GLCCI1: variants seen among roughly 807,000 people sequenced by gnomAD.
GLCCI1 encodes the protein glucocorticoid induced 1.
GLCCI1 carries 24 observed loss-of-function variants against 52.2 expected under a neutral mutation model. That is an observed-to-expected ratio of 0.46 (90% CI 0.33 to 0.65). The LOEUF (loss-of-function observed/expected upper bound fraction) is 0.65, where lower values mean the gene tolerates loss of function less well. Among genes scored for constraint, GLCCI1 ranks in the 30% least tolerant of loss-of-function variants. The probability of loss-of-function intolerance (pLI) is 0.02; values close to 1 mark genes in which losing one functional copy is unlikely to be tolerated. For missense variants in GLCCI1, 704 were observed against 701.5 expected (o/e 1.00, Z -0.04); for synonymous variants, 310 against 276.5 (o/e 1.12, Z -1.20).
In GLCCI1 at chr7:8,088,464, G is replaced by A. The variant is rs974676852; in HGVS notation, c.*1926G>A. ...GGAACCTTTTAAAACAATCTTTTCA[G>A]CAGCAGATACCTTTAACCCTAATAA... On this transcript the variant is annotated 3_prime_UTR_variant, in exon 8 of 8. Coordinates refer to ENST00000223145, the MANE Select transcript of GLCCI1 (RefSeq NM_138426.4). 6.6e-6 allele frequency: 1 copy of A among 152,516 alleles called. No homozygotes were observed. Among genetic ancestry groups the A allele is most frequent in the East Asian group, 1.9e-4 (1 of 5,198 alleles). 9.4% of individuals were successfully genotyped at this position (152,516 alleles called of 1,614,324 possible). A position where few individuals can be genotyped will look rare whatever the true frequency, so the allele number is the denominator to read the frequency against.
chr7:7,978,752 T>C (rs1780549993), intron 1 of GLCCI1, among the ~76,000 whole-genome samples: 1 of 152,168 alleles, frequency 6.6e-6, no homozygotes, highest in South Asian at 2.1e-4. Context: ...TAGTGAAGTG[T>C]AATGCTGGTA....
chr7:8,049,866 G>A (rs1218965052), intron 3 of GLCCI1, among the ~76,000 whole-genome samples: 1 of 152,192 alleles, frequency 6.6e-6, no homozygotes, highest in Non-Finnish European at 1.5e-5. Flanking sequence ...CATTGGGAAG[G>A]TACTTTGTTT....
intron 3 of GLCCI1, among the ~76,000 whole-genome samples, chr7:8,025,688 A>G (rs1016276114): frequency 2.6e-5 from 4 of 152,208 alleles, no homozygotes; most frequent in African/African-American, 9.7e-5. Context: ...CAACTAGGAA[A>G]ACACAAAGAG....
Position 8,084,927 on chromosome 7 carries a change from A to G in GLCCI1, c.1208A>G (p.Tyr403Cys), listed in dbSNP as rs1369624568. ...GGGAGTAGCTCACCGTTACCCAAGTATGCTTCATCTCCCAAACCAAACAAC... is the reference window on the plus strand; with the variant it reads ...GGGAGTAGCTCACCGTTACCCAAGTGTGCTTCATCTCCCAAACCAAACAAC... ...DSGSSSPLPK[Y>C]ASSPKPNNSY... Residue 403 changes from tyrosine (Y) to cysteine (C), a missense_variant, in exon 7 of 8, where the codon TAT becomes TGT. Tyr to Cys is a radical substitution (Grantham distance 194). This residue lies in a region of GLCCI1 where 547 missense variants were observed against 524.8 expected (regional missense o/e 1.04). Coordinates refer to ENST00000223145, the MANE Select transcript of GLCCI1 (RefSeq NM_138426.4). 1 of 1,614,140 alleles carries G rather than the reference A, an allele frequency of 6.2e-7. No individual in the cohort carries two copies. The highest frequency in any genetic ancestry group is 1.3e-5 in the African/African-American group (1 of 75,058).
At chr7:7,978,057 A>G (rs1780532196) in intron 1 of GLCCI1, among the ~76,000 whole-genome samples, 1 of 152,210 alleles carries the variant, frequency 6.6e-6, no homozygotes, top group African/African-American at 2.4e-5. Flanking sequence ...ATGGGACTAG[A>G]CGCTAGGGTG....
At chr7:8,082,106 C>T (rs1037610170) in intron 6 of GLCCI1, among the ~76,000 whole-genome samples, 2 of 152,120 alleles carry the variant, frequency 1.3e-5, no homozygotes, top group Admixed American at 6.5e-5. Context: ...CTTGAATCTC[C>T]TGAGCAGGCA....
intron 1 of GLCCI1, among the ~76,000 whole-genome samples, chr7:7,992,774 T>C (rs1280940992): frequency 6.6e-6 from 1 of 152,118 alleles, no homozygotes; most frequent in African/African-American, 2.4e-5. Flanking sequence ...ATTTTTTTAA[T>C]TCTGTAGTTT....
chr7:7,980,302 G>A (rs1780585791), intron 1 of GLCCI1: 1 of 162,396 alleles, frequency 6.2e-6, no homozygotes, highest in Non-Finnish European at 1.3e-5. Context: ...TAGCTGAGGA[G>A]AAGTGGGTGC....
At chr7:8,014,369 C>T (rs1363907098) in intron 2 of GLCCI1, among the ~76,000 whole-genome samples, 1 of 152,140 alleles carries the variant, frequency 6.6e-6, no homozygotes, top group Non-Finnish European at 1.5e-5. Context: ...CTGACATTTG[C>T]TGTGAAGCAT....
chr7:8,042,979 G>T (rs1782036045), intron 3 of GLCCI1, among the ~76,000 whole-genome samples: 1 of 152,188 alleles, frequency 6.6e-6, no homozygotes, highest in Non-Finnish European at 1.5e-5. Flanking sequence ...GTTATTTTAA[G>T]AAATTACCAC....
Position 7,969,222 on chromosome 7 carries a change from CACAGCGATA to C in GLCCI1, c.-128_-120del. ...AGGGGGAGCCCCGAGACTCCTCCCC[CACAGCGATA>C]CCCCCGCCCCTCCCCCTTACACACT... On this transcript the variant is annotated 5_prime_UTR_variant, in exon 1 of 8. Transcript: ENST00000223145. The surrounding 1 kb of genome is among the most constrained non-coding windows in gnomAD (Gnocchi z 4.9). 33 of 810,276 alleles carry C rather than the reference CACAGCGATA, an allele frequency of 4.1e-5. No homozygotes were observed. Among genetic ancestry groups the C allele is most frequent in the Non-Finnish European group, 5.1e-5 (32 of 627,324 alleles). 50.2% of individuals were successfully genotyped at this position (810,276 alleles called of 1,614,324 possible).
Position 7,983,698 on chromosome 7 carries a change from A to G in GLCCI1, c.457+13891A>G, listed in dbSNP as rs542298598. Among the ~76,000 whole-genome samples the G allele has an allele frequency of 7.2e-5, 11 of 152,358 alleles. No individual in the cohort carries two copies. In the South Asian group the frequency reaches 2.3e-3, roughly 32 times the overall value. On this transcript the variant is annotated intron_variant, in intron 1 of 7. Transcript: ENST00000223145. ...TGATTTGAACCCAGCTACATGAACA[A>G]TGATTGTTAGTGCATGCAAGTCCTG...
At chr7:7,970,965 G>A (rs1483381014) in intron 1 of GLCCI1, among the ~76,000 whole-genome samples, 1 of 151,862 alleles carries the variant, frequency 6.6e-6, no homozygotes, top group Admixed American at 6.6e-5. Flanking sequence ...TCTTGATGAA[G>A]GTGTTAGAGT....
chr7:7,973,900 T>A (rs745672314), intron 1 of GLCCI1, among the ~76,000 whole-genome samples: 1 of 152,108 alleles, frequency 6.6e-6, no homozygotes, highest in Admixed American at 6.5e-5. Context: ...ATACAAAAAA[T>A]TTTAATAACT....
At chr7:8,041,406 G>T (rs1781996071) in intron 3 of GLCCI1, among the ~76,000 whole-genome samples, 1 of 152,228 alleles carries the variant, frequency 6.6e-6, no homozygotes, top group Non-Finnish European at 1.5e-5. Context: ...TGTAGAAACT[G>T]CAGCAAGTGA....
intron 3 of GLCCI1, among the ~76,000 whole-genome samples, chr7:8,052,744 C>CT (rs1317750517): frequency 6.6e-6 from 1 of 152,212 alleles, no homozygotes; most frequent in African/African-American, 2.4e-5. Flanking sequence ...GAAGGATGAA[C>CT]TGAGGACACC....
Position 8,086,882 on chromosome 7 carries a change from G to A in GLCCI1, c.*344G>A, listed in dbSNP as rs1783117662. On this transcript the variant is annotated 3_prime_UTR_variant, in exon 8 of 8. Transcript: ENST00000223145. The surrounding 1 kb of genome is among the most constrained non-coding windows in gnomAD (Gnocchi z 4.4). ...AAAGTTGCCTGTCTAAATAGAAAAT[G>A]TCTTGCTGTGTTTTGTCCTATGGAA... 1 of 183,646 alleles carries A rather than the reference G, an allele frequency of 5.4e-6. No homozygotes were observed. Among genetic ancestry groups the A allele is most frequent in the Admixed American group, 5.6e-5 (1 of 18,018 alleles). 11.4% of individuals were successfully genotyped at this position (183,646 alleles called of 1,614,324 possible).
chr7:8,015,618 C>G (rs974621874), intron 2 of GLCCI1, among the ~76,000 whole-genome samples: 5 of 152,130 alleles, frequency 3.3e-5, no homozygotes, highest in Non-Finnish European at 5.9e-5. Context: ...TTGAATAGTT[C>G]ACACCAAATT....
chr7:7,970,970 T>TA (rs1356343824), intron 1 of GLCCI1, among the ~76,000 whole-genome samples: 1 of 152,048 alleles, frequency 6.6e-6, no homozygotes, highest in Non-Finnish European at 1.5e-5. Flanking sequence ...ATGAAGGTGT[T>TA]AGAGTTGGAG....
Sources: gnomAD v4.1 joint callset for allele counts (sites outside exome capture counted in the v4.1 genomes callset) on GRCh38, gnomAD v4.1.1 for gene constraint, gnomAD v4.1.1 regional missense constraint, Gnocchi (gnomAD v3.1) non-coding constraint, MANE v1.5 for transcripts, NCBI Gene and HGNC (gene_info 2026-07-23, HGNC 2026-07-21) for gene names.